Variants in CUBN observed in about 807,000 individuals in gnomAD.
CUBN encodes cubilin, also known as 460 kDa receptor.
Under a neutral mutation model 405.3 loss-of-function variants are expected in CUBN, and 282 were observed. That is an observed-to-expected ratio of 0.70 (90% CI 0.63 to 0.77). The LOEUF is 0.77. Among genes scored for constraint, CUBN ranks in the 30% least tolerant of loss-of-function variants. CUBN has a pLI of 0.00. For missense variants in CUBN, 4,514 were observed against 4,475.2 expected, an observed-to-expected ratio of 1.01 and a Z score of -0.25; for synonymous variants, 1,684 against 1,617.0, an observed-to-expected ratio of 1.04 and a Z score of -0.99.
At chr10:17,085,009 T>A (rs1836074051) in intron 16 of CUBN, among the ~76,000 whole-genome samples, 1 of 152,218 alleles carries the variant, frequency 6.6e-6, no homozygotes, top group Non-Finnish European at 1.5e-5. Flanking sequence ...AGGTACTTTT[T>A]CTGAGAACAT....
chr10:16,908,872 CTTTTTTTTTTTT>C (rs35736503), intron 48 of CUBN, among the ~76,000 whole-genome samples: 1 of 115,418 alleles, frequency 8.7e-6, no homozygotes, highest in African/African-American at 3.2e-5. Context: ...GATGTCATCT[CTTTTTTTTTTTT>C]TTTTTTTTTG....
At chr10:16,831,574 A>G (rs1838996260) in intron 64 of CUBN, among the ~76,000 whole-genome samples, 157 bp from the exon 65 acceptor site, 1 of 152,230 alleles carries the variant, frequency 6.6e-6, no homozygotes, top group East Asian at 1.9e-4. Flanking sequence ...TGCAGAAGTC[A>G]CCTTCACTTG....
At chr10:16,869,985 A>G (rs1840304423) in intron 58 of CUBN, 132 bp from the exon 59 acceptor site, 1 of 730,018 alleles carries the variant, frequency 1.4e-6, no homozygotes, top group Non-Finnish European at 2.5e-6. Context: ...GATATGAAAT[A>G]TTAGAAATCA....
Position 16,992,598 on chromosome 10 carries a change from T to C in CUBN, c.4169-2083A>G, listed in dbSNP as rs552418386. Among the ~76,000 whole-genome samples the C allele has an allele frequency of 1.1e-4, 16 of 152,248 alleles. No individual in the cohort carries two copies. The South Asian group carries it at 2.7e-3, about 26-fold the overall frequency. ...TAAGGAGTTAAAAAAAAAATCTCCG[T>C]GCAGAATTCCCCACTGCACTGAGAA... On this transcript the variant is annotated intron_variant, in intron 28 of 66. Coordinates refer to ENST00000377833, the MANE Select transcript of CUBN (RefSeq NM_001081.4).
chr10:17,110,123 A>T (rs1836735841), intron 9 of CUBN, among the ~76,000 whole-genome samples: 1 of 152,214 alleles, frequency 6.6e-6, no homozygotes, highest in East Asian at 1.9e-4. Context: ...GTTTCAGTTT[A>T]TCCCTTAGTA....
At chr10:17,066,685 G>A (rs1346379930) in intron 21 of CUBN, among the ~76,000 whole-genome samples, 1 of 152,006 alleles carries the variant, frequency 6.6e-6, no homozygotes, top group East Asian at 1.9e-4. Flanking sequence ...GTGGTGATGT[G>A]TTAAGTACCT....
intron 38 of CUBN, among the ~76,000 whole-genome samples, chr10:16,938,296 G>A (rs1432827322): frequency 6.6e-6 from 1 of 152,128 alleles, no homozygotes; most frequent in Non-Finnish European, 1.5e-5. Context: ...CATGTTCAAA[G>A]CACTTAGTAA....
chr10:16,958,561 A>G (rs1032838886), intron 31 of CUBN, among the ~76,000 whole-genome samples: 1 of 152,162 alleles, frequency 6.6e-6, no homozygotes, highest in Non-Finnish European at 1.5e-5. Flanking sequence ...CCGGAATTCA[A>G]ATTATATACC....
At chr10:16,984,408 T>A in intron 29 of CUBN, 129 bp from the exon 30 acceptor site, 1 of 891,344 alleles carries the variant, frequency 1.1e-6, no homozygotes, top group Non-Finnish European at 1.8e-6. Flanking sequence ...TCAGCCTCCC[T>A]GGGTGGGGAT....
chr10:16,870,512 T>C (rs1840319324), intron 58 of CUBN, among the ~76,000 whole-genome samples: 1 of 152,238 alleles, frequency 6.6e-6, no homozygotes, highest in Non-Finnish European at 1.5e-5. Flanking sequence ...AGGCTTGACA[T>C]GGCTGCTAGG....
chr10:16,962,396 G>T (rs1843252882), intron 31 of CUBN, among the ~76,000 whole-genome samples: 1 of 151,814 alleles, frequency 6.6e-6, no homozygotes, highest in Non-Finnish European at 1.5e-5. Flanking sequence ...AGAAATATGG[G>T]TAGGTAGGAG....
chr10:17,126,848 C>T (rs1837203021), intron 3 of CUBN, 49 bp from the exon 4 acceptor site: 3 of 1,588,074 alleles, frequency 1.9e-6, no homozygotes, highest in Non-Finnish European at 2.6e-6. Context: ...AAAGGCATTG[C>T]ACATGTGATG....
intron 23 of CUBN, among the ~76,000 whole-genome samples, chr10:17,046,617 CA>C (rs1835139987): frequency 6.6e-6 from 1 of 151,822 alleles, no homozygotes; most frequent in Non-Finnish European, 1.5e-5. Flanking sequence ...AAACAAACAA[CA>C]AAAAAGGGAT....
At chr10:16,874,560 A>C in intron 57 of CUBN, 57 bp from the exon 58 acceptor site, 1 of 1,604,656 alleles carries the variant, frequency 6.2e-7, no homozygotes, top group Admixed American at 1.7e-5. Context: ...AGCATGGAAA[A>C]ATGATTTTAA....
rs1448705611 is a variant in CUBN, at chr10:16,949,987, G to A, written c.5080+14C>T. The A allele has an allele frequency of 8.8e-6, 14 of 1,586,598 alleles. No homozygotes were observed. The Middle Eastern group carries it at 5.3e-4, about 60-fold the overall frequency. ...GCCAAGACCACAGATGTAGATGAGT[G>A]AACGCTGAGGTACCTCGGAGGGGCG... On this transcript the variant is annotated intron_variant, in intron 34 of 66. Coordinates refer to ENST00000377833, the MANE Select transcript of CUBN (RefSeq NM_001081.4).
In CUBN at chr10:16,957,610, C is replaced by A. The variant is rs112394654; in HGVS notation, c.4696-3062G>T. 3.2e-3 allele frequency among the ~76,000 whole-genome samples: 490 copies of A among 152,172 alleles called. 2 individuals are homozygous for A. The highest frequency in any genetic ancestry group is 0.011 in the African/African-American group (467 of 41,510). ...TGGTGTGGATGTGGGGAAAAGGGAA[C>A]CTTTACACACTATTGATGGGAATGT... On this transcript the variant is annotated intron_variant, in intron 31 of 66. Transcript: ENST00000377833.
chr10:16,901,988 C>G (rs1226006388), intron 51 of CUBN, among the ~76,000 whole-genome samples: 3 of 119,780 alleles, frequency 2.5e-5, no homozygotes, highest in African/African-American at 9.7e-5. Flanking sequence ...TATATATACA[C>G]CATATATAGT....
intron 66 of CUBN, among the ~76,000 whole-genome samples, 166 bp downstream of exon 66, chr10:16,828,639 A>C: frequency 6.6e-6 from 1 of 151,778 alleles, no homozygotes; most frequent in Non-Finnish European, 1.5e-5. Flanking sequence ...AATTGCTTGA[A>C]CCCAGGAGGC....
intron 44 of CUBN, among the ~76,000 whole-genome samples, chr10:16,919,082 G>A (rs776541059): frequency 5.3e-5 from 8 of 152,206 alleles, no homozygotes; most frequent in Non-Finnish European, 1.0e-4. Context: ...AAACATAAAT[G>A]TTGCTTTCAA....
Sources: gnomAD v4.1 joint callset for allele counts (sites outside exome capture counted in the v4.1 genomes callset) on GRCh38, gnomAD v4.1.1 for gene constraint, MANE v1.5 for transcripts, NCBI Gene and HGNC (gene_info 2026-07-23, HGNC 2026-07-21) for gene names.